The following LNPK variants were observed in gnomAD, a reference collection of about 807,000 sequenced individuals.
LNPK encodes the protein lunapark, ER junction formation factor, also known as endoplasmic reticulum junction formation protein lunapark.
In LNPK, 29 loss-of-function variants were observed where a neutral mutation model predicts 55.2. The ratio of observed to expected loss-of-function variants is 0.53; its 90% CI spans 0.39 to 0.72. The LOEUF (loss-of-function observed/expected upper bound fraction) is 0.72. Among genes scored for constraint, LNPK ranks in the 30% least tolerant of loss-of-function variants. The probability of loss-of-function intolerance (pLI) is 0.00; values close to 1 mark genes in which losing one functional copy is unlikely to be tolerated. For missense variants in LNPK, 467 were observed against 494.8 expected (o/e 0.94, Z 0.53); for synonymous variants, 162 against 168.2 (o/e 0.96, Z 0.29).
chr2:175,984,886 T>C (rs368880074), intron 4 of LNPK, among the ~76,000 whole-genome samples: 1 of 152,244 alleles, frequency 6.6e-6, no homozygotes, highest in African/African-American at 2.4e-5. Context: ...AAATGACTTA[T>C]GTTCATACAA....
chr2:175,971,680 T>C (rs962717427), intron 5 of LNPK, among the ~76,000 whole-genome samples: 1 of 152,128 alleles, frequency 6.6e-6, no homozygotes, highest in African/African-American at 2.4e-5. Flanking sequence ...CACAAACATA[T>C]AAAAAGATGA....
intron 6 of LNPK, among the ~76,000 whole-genome samples, chr2:175,969,476 C>T (rs1686552150): frequency 6.6e-6 from 1 of 152,148 alleles, no homozygotes; most frequent in Non-Finnish European, 1.5e-5. Context: ...CATATGATGC[C>T]AGTGACATTG....
chr2:176,002,342 C>T (rs1490060213), upstream of LNPK: 2 of 416,452 alleles, frequency 4.8e-6, no homozygotes, highest in South Asian at 1.7e-5. Flanking sequence ...CGGCGCGCGC[C>T]GCTCCCCCGT....
chr2:175,998,257 G>A (rs1688022736), intron 1 of LNPK, among the ~76,000 whole-genome samples: 1 of 151,858 alleles, frequency 6.6e-6, no homozygotes, highest in South Asian at 2.1e-4. Context: ...GCCTGGCCAA[G>A]ATGGTGAAAC....
chr2:175,964,461 C>G (rs1372922797), intron 7 of LNPK, 38 bp from the exon 8 acceptor site: 2 of 1,594,966 alleles, frequency 1.3e-6, no homozygotes, highest in Non-Finnish European at 1.7e-6. Context: ...TGACCTATTA[C>G]AATGTGTAAT....
rs572771940 is a variant in LNPK, at chr2:175,927,370, T to C, written c.*2597A>G. 1 of 152,124 alleles carries C rather than the reference T, an allele frequency of 6.6e-6. No homozygotes were observed. The highest frequency in any genetic ancestry group is 1.5e-5 in the Non-Finnish European group (1 of 68,012). The allele number at this position is 152,124 out of a possible 1,614,324, so 9.4% of individuals were successfully genotyped here. On this transcript the variant is annotated 3_prime_UTR_variant, in exon 13 of 13. Coordinates refer to ENST00000272748, the MANE Select transcript of LNPK (RefSeq NM_030650.3). The stretch of plus-strand genomic sequence containing the variant: ...ACATTATGTTGTGAAGACAGTAAAC[T>C]AGCAAACAAATCAAATACACATTGT...
rs2105505691 is a variant in LNPK at position 175,929,753 on chromosome 2, A to G, written c.*214T>C. On this transcript the variant is annotated 3_prime_UTR_variant, in exon 13 of 13. Transcript: ENST00000272748. ...GTCTCAATAGTGTGGGTCTTTGTAC[A>G]TTCAAAAGGATCTTACTTCACTGAT... The G allele has an allele frequency of 7.1e-7, 1 of 1,399,854 alleles. No homozygotes were observed. Among genetic ancestry groups the G allele is most frequent in the African/African-American group, 1.4e-5 (1 of 69,288 alleles). The allele number at this position is 1,399,854 out of a possible 1,614,324, so 86.7% of individuals were successfully genotyped here.
At chr2:175,994,077 A>G (rs1687824651) in intron 2 of LNPK, 3 of 518,678 alleles carry the variant, frequency 5.8e-6, no homozygotes, top group Non-Finnish European at 7.4e-6. Context: ...TATTTTTTAT[A>G]CATCTAGAAT....
chr2:175,930,309 C>G, intron 12 of LNPK, 110 bp from the exon 13 acceptor site: 3 of 416,204 alleles, frequency 7.2e-6, no homozygotes, highest in African/African-American at 2.9e-5. Context: ...CACACACACA[C>G]ACACACACAA....
Position 175,930,191 on chromosome 2 carries a change from C to CTAAAGATTCTGAAAAGA in LNPK, c.1055-9_1062dup (p.Glu355SerfsTer6), listed in dbSNP as rs1224790560. ...GTATTATCATCAAGAACATCGTGTT[C>CTAAAGATTCTGAAAAGA]TAAAGATTCTGAAAAGATAAAGATT... On this transcript the variant is annotated frameshift_variant, in exon 13 of 13. Transcript: ENST00000272748. LOFTEE classifies it high-confidence loss of function. 2.5e-6 allele frequency: 4 copies of CTAAAGATTCTGAAAAGA among 1,608,990 alleles called. No individual in the cohort carries two copies. Among genetic ancestry groups the CTAAAGATTCTGAAAAGA allele is most frequent in the Non-Finnish European group, 3.4e-6 (4 of 1,177,712 alleles).
At position 175,964,526 on chromosome 2, in the gene LNPK, G is replaced by T; in HGVS notation, c.421C>A (p.Pro141Thr). Reference protein sequence around the residue: ...TAKLILERFDPDSKKAKECEP... With the variant: ...TAKLILERFDTDSKKAKECEP... The stretch of plus-strand genomic sequence containing the variant: ...CTTACCTTTGCTTTCTTTGAGTCCG[G>T]ATCAAACCTTTCAAGAATTAATTTA... Residue 141 changes from proline to threonine, a missense_variant, in exon 7 of 13, where the codon CCG (proline) becomes ACG (threonine). Transcript: ENST00000272748. 6.2e-7 allele frequency: 1 copy of T among 1,609,046 alleles called. No individual in the cohort carries two copies. Among genetic ancestry groups the T allele is most frequent in the Non-Finnish European group, 8.5e-7 (1 of 1,175,694 alleles).
intron 8 of LNPK, among the ~76,000 whole-genome samples, chr2:175,954,097 G>A (rs73978124): frequency 0.16 from 24,317 of 152,048 alleles, 2,123 homozygotes; most frequent in Non-Finnish European, 0.2. Flanking sequence ...AAGTTATAAT[G>A]CATTGTAATT....
intron 4 of LNPK, among the ~76,000 whole-genome samples, chr2:175,986,061 C>A (rs1248683776): frequency 3.3e-5 from 5 of 152,062 alleles, no homozygotes; most frequent in Non-Finnish European, 7.4e-5. Flanking sequence ...AACAGAAATA[C>A]CCATGTAAAG....
chr2:175,945,681 G>A (rs1685091102), intron 9 of LNPK, among the ~76,000 whole-genome samples: 1 of 152,084 alleles, frequency 6.6e-6, no homozygotes, highest in Non-Finnish European at 1.5e-5. Flanking sequence ...AAGCATTTAA[G>A]CCAACTTAAC....
chr2:175,969,811 T>C (rs902807007), intron 6 of LNPK, among the ~76,000 whole-genome samples: 14 of 152,222 alleles, frequency 9.2e-5, no homozygotes, highest in African/African-American at 3.4e-4. Flanking sequence ...GATAAATACC[T>C]CACAGGACAC....
intron 5 of LNPK, among the ~76,000 whole-genome samples, chr2:175,976,582 G>A (rs1391109408): frequency 2.6e-5 from 4 of 152,200 alleles, no homozygotes; most frequent in Non-Finnish European, 5.9e-5. Flanking sequence ...CCCTAATGAA[G>A]TGGCCCTCAG....
chr2:175,924,404 G>GT lies in LNPK; in HGVS notation c.*5562dup, dbSNP rs1293437593. The GT allele has an allele frequency of 1.3e-5, 2 of 152,162 alleles. No homozygotes were observed. Among genetic ancestry groups the GT allele is most frequent in the African/African-American group, 2.4e-5 (1 of 41,440 alleles). 9.4% of individuals were successfully genotyped at this position (152,162 alleles called of 1,614,324 possible). A position where few individuals can be genotyped will look rare whatever the true frequency, so the allele number is the denominator to read the frequency against. Reference sequence around the variant, plus strand: ...AAGAAGAAAGTTTTAAGACGATTAAGTAGTTGCTGTCCACTGGAAATAAAA... The same window carrying GT: ...AAGAAGAAAGTTTTAAGACGATTAAGTTAGTTGCTGTCCACTGGAAATAAAA... On this transcript the variant is annotated 3_prime_UTR_variant, in exon 13 of 13. Coordinates refer to ENST00000272748, the MANE Select transcript of LNPK (RefSeq NM_030650.3).
At chr2:175,993,553 G>T (rs912915907) in intron 2 of LNPK, among the ~76,000 whole-genome samples, 1 of 152,094 alleles carries the variant, frequency 6.6e-6, no homozygotes, top group African/African-American at 2.4e-5. Flanking sequence ...GGTGGCTCAC[G>T]CCTGCACTTT....
chr2:175,947,945 T>C (rs1345354263), intron 8 of LNPK, among the ~76,000 whole-genome samples: 2 of 152,044 alleles, frequency 1.3e-5, no homozygotes, highest in South Asian at 4.1e-4. Context: ...TCAAAACAAA[T>C]CCAGTAAAAT....
Sources: allele counts gnomAD v4.1 joint callset (sites outside exome capture counted in the v4.1 genomes callset), GRCh38; gene constraint gnomAD v4.1.1; transcripts MANE v1.5; gene names NCBI Gene and HGNC (gene_info 2026-07-23, HGNC 2026-07-21).